VPS26A: variants seen among roughly 807,000 people sequenced by gnomAD.
VPS26A encodes VPS26 retromer complex component A.
In VPS26A, 22 loss-of-function variants were observed where a neutral mutation model predicts 42.4. The ratio of observed to expected loss-of-function variants is 0.52; its 90% CI spans 0.37 to 0.74. The LOEUF (loss-of-function observed/expected upper bound fraction) is 0.74, where lower values mean the gene tolerates loss of function less well. Among genes scored for constraint, VPS26A ranks in the 30% least tolerant of loss-of-function variants. The pLI is 0.00. For synonymous variants in VPS26A, 110 were observed against 123.5 expected (o/e 0.89, Z 0.73); for missense variants, 276 against 379.2 (o/e 0.73, Z 2.26).
intron 2 of VPS26A, among the ~76,000 whole-genome samples, chr10:69,145,731 T>TC (rs1355780210): frequency 6.6e-6 from 1 of 150,776 alleles, no homozygotes; most frequent in South Asian, 2.1e-4. Flanking sequence ...CTTTTCTTTT[T>TC]TTTTTTTAAA....
intron 1 of VPS26A, among the ~76,000 whole-genome samples, chr10:69,132,506 G>A (rs567529344): frequency 5.3e-5 from 8 of 150,780 alleles, no homozygotes; most frequent in East Asian, 1.9e-4. Context: ...GCAATGGCGC[G>A]ATCTTGGCTC....
intron 1 of VPS26A, among the ~76,000 whole-genome samples, chr10:69,129,739 G>T (rs530715439): frequency 6.6e-6 from 1 of 152,100 alleles, no homozygotes; most frequent in South Asian, 2.1e-4. Flanking sequence ...TAGCCAGGCT[G>T]GTCTCGAACT....
Position 69,166,125 on chromosome 10 carries a change from A to G in VPS26A, c.727+15A>G, listed in dbSNP as rs1222551894. 1.1e-5 allele frequency: 18 copies of G among 1,610,510 alleles called. No homozygotes were observed. The highest frequency in any genetic ancestry group is 1.4e-5 in the Non-Finnish European group (17 of 1,177,278). Reference sequence around the variant, plus strand: ...ACCAGTAAAAGGTAACACACTTTTCAGTTACTTCTTTTGTATAGTGCAAAC... The same window carrying G: ...ACCAGTAAAAGGTAACACACTTTTCGGTTACTTCTTTTGTATAGTGCAAAC... On this transcript the variant is annotated intron_variant, in intron 7 of 8. Transcript: ENST00000263559.
At chr10:69,147,811 CA>C (rs1221459422) in intron 2 of VPS26A, among the ~76,000 whole-genome samples, 3 of 152,178 alleles carry the variant, frequency 2.0e-5, no homozygotes, top group Non-Finnish European at 4.4e-5. Flanking sequence ...CTTCTGGGCT[CA>C]AGTGATCCTC....
At chr10:69,130,396 T>C (rs1169392732) in intron 1 of VPS26A, among the ~76,000 whole-genome samples, 1 of 152,208 alleles carries the variant, frequency 6.6e-6, no homozygotes, top group African/African-American at 2.4e-5. Flanking sequence ...AAGAATACTT[T>C]GCTTGGCTCT....
chr10:69,132,514 CT>C (rs2132188452), intron 1 of VPS26A, among the ~76,000 whole-genome samples: 1 of 151,082 alleles, frequency 6.6e-6, no homozygotes, highest in Admixed American at 6.6e-5. Context: ...GCGATCTTGG[CT>C]CACTGCAACT....
intron 2 of VPS26A, among the ~76,000 whole-genome samples, chr10:69,151,451 CAAAAAAAA>C (rs150296063): frequency 9.5e-6 from 1 of 105,482 alleles, no homozygotes; most frequent in African/African-American, 4.1e-5. Context: ...GACTCCGTCT[CAAAAAAAA>C]AAAAAAAAAA....
intron 1 of VPS26A, among the ~76,000 whole-genome samples, chr10:69,125,052 C>A (rs1213600472): frequency 6.6e-6 from 1 of 152,130 alleles, no homozygotes; most frequent in African/African-American, 2.4e-5. Flanking sequence ...AGCTGGGTGT[C>A]GGCAGTCTCT....
intron 2 of VPS26A, among the ~76,000 whole-genome samples, chr10:69,137,329 T>A (rs1389314140): frequency 6.6e-6 from 1 of 152,228 alleles, no homozygotes; most frequent in Non-Finnish European, 1.5e-5. Flanking sequence ...AGGTGGAGGT[T>A]AGCTGGGTCC....
intron 2 of VPS26A, among the ~76,000 whole-genome samples, chr10:69,144,700 A>G (rs1230697778): frequency 6.7e-6 from 1 of 149,376 alleles, no homozygotes; most frequent in Non-Finnish European, 1.5e-5. Context: ...GTTGGTTCCA[A>G]GTTTTGCTCA....
chr10:69,164,019 A>G (rs61871363), intron 6 of VPS26A, among the ~76,000 whole-genome samples: 6,317 of 152,002 alleles, frequency 0.042, 459 homozygotes, highest in African/African-American at 0.14. Flanking sequence ...CGCCCGCCTC[A>G]GCCTCCCAAA....
rs375158816 is a variant in VPS26A at position 69,140,446 on chromosome 10, C to T, written c.153+7399C>T. 3.3e-5 allele frequency among the ~76,000 whole-genome samples: 5 copies of T among 152,080 alleles called. No individual in the cohort carries two copies. The South Asian group carries it at 8.3e-4, about 25-fold the overall frequency. Reference sequence around the variant, plus strand: ...GGAGTGCAGTGGCACGATTTCAGCTCACTGCAACCTCCGTCTCCCAGGCTA... The same window carrying T: ...GGAGTGCAGTGGCACGATTTCAGCTTACTGCAACCTCCGTCTCCCAGGCTA... On this transcript the variant is annotated intron_variant, in intron 2 of 8. Transcript: ENST00000263559.
chr10:69,160,574 C>T (rs970206541), intron 5 of VPS26A, among the ~76,000 whole-genome samples: 2 of 151,992 alleles, frequency 1.3e-5, no homozygotes, highest in Non-Finnish European at 2.9e-5. Context: ...GCCTCAGCCT[C>T]CTGAGTAGCT....
chr10:69,172,691 CTTCATGTAA>C lies in VPS26A; in HGVS notation c.*1423_*1431del, dbSNP rs1219409534. The C allele has an allele frequency of 1.3e-5, 2 of 152,646 alleles. No individual in the cohort carries two copies. The highest frequency in any genetic ancestry group is 3.2e-3 in the Middle Eastern group (1 of 316). 9.5% of individuals were successfully genotyped at this position (152,646 alleles called of 1,614,324 possible). A position where few individuals can be genotyped will look rare whatever the true frequency, so the allele number is the denominator to read the frequency against. Reference sequence around the variant, plus strand: ...GATATCTATGAATGGTAATGTTTTCCTTCATGTAAGTGCCTATTCAGAGTTTCAGAATTT... The same window carrying C: ...GATATCTATGAATGGTAATGTTTTCCGTGCCTATTCAGAGTTTCAGAATTT... On this transcript the variant is annotated 3_prime_UTR_variant, in exon 9 of 9. Transcript: ENST00000263559.
chr10:69,130,474 G>A (rs61641202), intron 1 of VPS26A, among the ~76,000 whole-genome samples: 1 of 152,258 alleles, frequency 6.6e-6, no homozygotes, highest in Non-Finnish European at 1.5e-5. Flanking sequence ...AGGCTGAGTA[G>A]TTGGAGAGAT....
intron 2 of VPS26A, among the ~76,000 whole-genome samples, chr10:69,139,376 T>C (rs923837564): frequency 6.6e-6 from 1 of 152,318 alleles, no homozygotes; most frequent in Admixed American, 6.5e-5. Context: ...TAATCTCGGC[T>C]CACTGCAACC....
chr10:69,162,743 A>C (rs1444746525), intron 6 of VPS26A, among the ~76,000 whole-genome samples: 1 of 152,214 alleles, frequency 6.6e-6, no homozygotes, highest in Non-Finnish European at 1.5e-5. Context: ...CATGGTTCAA[A>C]AATAAAATGT....
In VPS26A at chr10:69,132,027, A is replaced by G. The variant is rs188970827; in HGVS notation, c.4-871A>G. Among the ~76,000 whole-genome samples the G allele has an allele frequency of 2.1e-4, 32 of 152,308 alleles. No homozygotes were observed. The East Asian group carries it at 6.2e-3, about 29-fold the overall frequency. On this transcript the variant is annotated intron_variant, in intron 1 of 8. Transcript: ENST00000263559. ...CTTTGGAAAAATTCACAGAAATTTT[A>G]TTTTCCTTCATTATAGCCAGTTTTA...
chr10:69,127,093 ATTTTT>A (rs71035057), intron 1 of VPS26A, among the ~76,000 whole-genome samples: 17 of 97,554 alleles, frequency 1.7e-4, no homozygotes, highest in South Asian at 4.1e-4. Context: ...CACCCGGCCA[ATTTTT>A]TTTTTTTTTT....
Sources: allele counts gnomAD v4.1 joint callset (sites outside exome capture counted in the v4.1 genomes callset), GRCh38; gene constraint gnomAD v4.1.1; transcripts MANE v1.5; gene names NCBI Gene and HGNC (gene_info 2026-07-23, HGNC 2026-07-21).